The following HDX variants were observed in gnomAD, a reference collection of about 807,000 sequenced individuals.
HDX encodes highly divergent homeobox, also known as chromosome X open reading frame 43.
A neutral mutation model predicts 45.2 loss-of-function variants in HDX; 19 were observed. That is an observed-to-expected ratio of 0.42 (90% CI 0.29 to 0.62). The LOEUF (loss-of-function observed/expected upper bound fraction) is 0.62. Among genes scored for constraint, HDX ranks in the 20% least tolerant of loss-of-function variants. The pLI, the probability that HDX is intolerant of heterozygous loss-of-function variation, is 0.20. For missense variants in HDX, 532 were observed against 493.9 expected (o/e 1.08, Z -0.73); for synonymous variants, 188 against 172.8 (o/e 1.09, Z -0.69).
intron 4 of HDX, among the ~76,000 whole-genome samples, chrX:84,444,105 G>A (rs1455091825): frequency 9.0e-6 from 1 of 110,507 alleles, no homozygotes; most frequent in Non-Finnish European, 1.9e-5. Flanking sequence ...AAGATGTGTA[G>A]AACTCTAACA....
chrX:84,393,505 C>A (rs2038489992), intron 5 of HDX, among the ~76,000 whole-genome samples: 2 of 109,637 alleles, frequency 1.8e-5, no homozygotes, highest in African/African-American at 3.3e-5. Flanking sequence ...TTGTTATTTT[C>A]TTGTTTTGGT....
chrX:84,467,266 AAACTGGT>A (rs1471476763), intron 4 of HDX, among the ~76,000 whole-genome samples: 1 of 111,287 alleles, frequency 9.0e-6, no homozygotes, highest in African/African-American at 3.3e-5. Flanking sequence ...ATGGTTCCTT[AAACTGGT>A]TCAGAACAGC....
chrX:84,389,141 G>A (rs2038385366), intron 5 of HDX, among the ~76,000 whole-genome samples: 1 of 112,115 alleles, frequency 8.9e-6, no homozygotes, highest in South Asian at 3.7e-4. Flanking sequence ...ATGGCCAGTA[G>A]TTAGGCTAAT....
chrX:84,345,654 G>A (rs1470549127), intron 6 of HDX, among the ~76,000 whole-genome samples: 3 of 111,639 alleles, frequency 2.7e-5, no homozygotes, highest in Admixed American at 9.6e-5. Flanking sequence ...AATGCACAAG[G>A]ATGCAAATTA....
At chrX:84,327,860 G>C (rs916955498) in intron 9 of HDX, among the ~76,000 whole-genome samples, 4 of 110,873 alleles carry the variant, frequency 3.6e-5, no homozygotes, top group Non-Finnish European at 5.7e-5. Flanking sequence ...GACTTGCTCT[G>C]TTGCCCATAC....
intron 5 of HDX, among the ~76,000 whole-genome samples, chrX:84,400,286 A>T (rs1207749041): frequency 1.8e-5 from 2 of 110,101 alleles, no homozygotes; most frequent in Non-Finnish European, 1.9e-5. Context: ...AGACAATATG[A>T]TTCTATATTT....
intron 8 of HDX, among the ~76,000 whole-genome samples, chrX:84,336,315 G>C (rs1048501532): frequency 5.4e-5 from 6 of 110,905 alleles, no homozygotes; most frequent in Admixed American, 1.9e-4. Context: ...TGAGTAACCA[G>C]AGTACAATTT....
chrX:84,397,420 C>T lies in HDX; in HGVS notation c.1306-35808G>A, dbSNP rs191498045. On this transcript the variant is annotated intron_variant, in intron 5 of 10. Coordinates refer to ENST00000373177, the MANE Select transcript of HDX (RefSeq NM_001177479.2). ...AAGTTCCCTCTTTGGGCAGTGTCAT[C>T]ATGTGGTCTTCAGGCAGCTCCCTGT... Among the ~76,000 whole-genome samples the T allele has an allele frequency of 1.4e-4, 16 of 111,869 alleles. No homozygotes were observed. The East Asian group carries it at 4.3e-3, about 30-fold the overall frequency.
At chrX:84,428,865 G>A (rs1304329034) in intron 5 of HDX, among the ~76,000 whole-genome samples, 1 of 110,187 alleles carries the variant, frequency 9.1e-6, no homozygotes, top group East Asian at 2.8e-4. Flanking sequence ...TTATGTCTAC[G>A]ATCCATTTTG....
intron 5 of HDX, among the ~76,000 whole-genome samples, chrX:84,407,097 GT>G (rs2038848019): frequency 9.0e-6 from 1 of 110,827 alleles, no homozygotes; most frequent in African/African-American, 3.3e-5. Flanking sequence ...ACCTGTGTAG[GT>G]TTGTTATATA....
intron 5 of HDX, among the ~76,000 whole-genome samples, chrX:84,390,720 A>T (rs1246024880): frequency 2.7e-5 from 3 of 112,525 alleles, no homozygotes; most frequent in Non-Finnish European, 5.6e-5. Context: ...TTGCAAACTC[A>T]TGCCCTTAAA....
chrX:84,373,812 T>C (rs1602336323), intron 5 of HDX, among the ~76,000 whole-genome samples: 1 of 111,333 alleles, frequency 9.0e-6, no homozygotes, highest in Non-Finnish European at 1.9e-5. Context: ...ATACTGATTG[T>C]GCAAAAACTG....
At position 84,396,679 on chromosome X, in the gene HDX, G is replaced by A. The variant is rs73237176; in HGVS notation, c.1306-35067C>T. ...CTAGTGTTGTTGGCATCCCCAATGG[G>A]TTGGGAAGGCCAGTCTCCAGGTCCT... On this transcript the variant is annotated intron_variant, in intron 5 of 10. Transcript: ENST00000373177. Among the ~76,000 whole-genome samples, 841 of 111,861 alleles carry A rather than the reference G, an allele frequency of 7.5e-3. 4 individuals carry two copies. The highest frequency in any genetic ancestry group is 0.013 in the Non-Finnish European group (676 of 53,167).
intron 1 of HDX, among the ~76,000 whole-genome samples, chrX:84,499,818 G>T (rs749907765): frequency 9.0e-6 from 1 of 111,445 alleles, no homozygotes; most frequent in Non-Finnish European, 1.9e-5. Flanking sequence ...GCAATTTGAA[G>T]CCTGAAGGAT....
chrX:84,396,076 C>G (rs893437301), intron 5 of HDX, among the ~76,000 whole-genome samples: 1 of 111,859 alleles, frequency 8.9e-6, no homozygotes, highest in Non-Finnish European at 1.9e-5. Flanking sequence ...TGATTTGGAT[C>G]TATTTCTGAA....
In HDX at chrX:84,409,577, C is replaced by A. The variant is rs746380959; in HGVS notation, c.1305+30955G>T. The stretch of plus-strand genomic sequence containing the variant: ...GATGAGTTCATGTCCTTTGTAGGGA[C>A]ATGGATGAAACTGGAAACCATCATT... On this transcript the variant is annotated intron_variant, in intron 5 of 10. Transcript: ENST00000373177. Among the ~76,000 whole-genome samples, 319 of 106,284 alleles carry A rather than the reference C, an allele frequency of 3.0e-3. 1 individual carries two copies. The highest frequency in any genetic ancestry group is 0.011 in the African/African-American group (314 of 29,104). 92.3% of individuals were successfully genotyped at this position (106,284 alleles called of 115,157 possible).
chrX:84,432,235 T>C (rs2039521435), intron 5 of HDX, among the ~76,000 whole-genome samples: 1 of 111,893 alleles, frequency 8.9e-6, no homozygotes, highest in Non-Finnish European at 1.9e-5. Context: ...TTGCTTATTG[T>C]AGTCTTCTAG....
intron 5 of HDX, among the ~76,000 whole-genome samples, chrX:84,409,639 C>T (rs1229096412): frequency 1.3e-4 from 13 of 97,410 alleles, no homozygotes; most frequent in Non-Finnish European, 2.2e-4. Flanking sequence ...AACCAAACAC[C>T]GCATGTTCTC....
intron 5 of HDX, among the ~76,000 whole-genome samples, chrX:84,414,708 A>G (rs1254315732): frequency 8.1e-5 from 9 of 111,530 alleles, no homozygotes; most frequent in Non-Finnish European, 1.5e-4. Flanking sequence ...AAAAGACTTG[A>G]GTTCTAATCC....
Sources: gnomAD v4.1 joint callset for allele counts (sites outside exome capture counted in the v4.1 genomes callset) on GRCh38, gnomAD v4.1.1 for gene constraint, MANE v1.5 for transcripts, NCBI Gene and HGNC (gene_info 2026-07-23, HGNC 2026-07-21) for gene names.